The following GPC5 variants were observed in gnomAD, a reference collection of about 807,000 sequenced individuals.
GPC5 encodes glypican-5.
GPC5 carries 47 observed loss-of-function variants against 53.9 expected under a neutral mutation model. That is an observed-to-expected ratio of 0.87 (90% CI 0.69 to 1.11). The LOEUF (loss-of-function observed/expected upper bound fraction) is 1.11. Ranked by LOEUF, GPC5 falls within the 50% of genes most tolerant of loss-of-function variation. The pLI is 0.00. For missense variants in GPC5, 748 were observed against 713.1 expected, an observed-to-expected ratio of 1.05 and a Z score of -0.56; for synonymous variants, 286 against 263.3, an observed-to-expected ratio of 1.09 and a Z score of -0.84.
chr13:92,501,140 G>C (rs1880168735), intron 7 of GPC5, among the ~76,000 whole-genome samples: 1 of 152,036 alleles, frequency 6.6e-6, no homozygotes, highest in African/African-American at 2.4e-5. Context: ...TAAAATAAAT[G>C]CCTCTATTGA....
At chr13:92,707,459 C>G (rs1887991154) in intron 7 of GPC5, among the ~76,000 whole-genome samples, 1 of 151,948 alleles carries the variant, frequency 6.6e-6, no homozygotes, top group African/African-American at 2.4e-5. Flanking sequence ...TCCAACGGCC[C>G]TTGACTAGCC....
chr13:91,452,014 AC>A (rs1315894316), intron 2 of GPC5, among the ~76,000 whole-genome samples: 1 of 151,672 alleles, frequency 6.6e-6, no homozygotes, highest in Non-Finnish European at 1.5e-5. Flanking sequence ...ACAGGGTCTC[AC>A]TCTGTTGCCC....
intron 7 of GPC5, among the ~76,000 whole-genome samples, chr13:92,429,565 A>C (rs1195498473): frequency 1.3e-5 from 2 of 151,998 alleles, no homozygotes; most frequent in African/African-American, 4.8e-5. Context: ...ATGGGAAATG[A>C]AACCTGCCAA....
At chr13:92,597,065 T>A (rs1033714360) in intron 7 of GPC5, among the ~76,000 whole-genome samples, 1 of 152,148 alleles carries the variant, frequency 6.6e-6, no homozygotes, top group African/African-American at 2.4e-5. Flanking sequence ...AGAACACTAT[T>A]TATTTTTTAA....
chr13:92,171,701 C>T (rs1020925603), intron 7 of GPC5, among the ~76,000 whole-genome samples: 3 of 152,178 alleles, frequency 2.0e-5, no homozygotes, highest in Non-Finnish European at 4.4e-5. Flanking sequence ...TAGGTCCTTT[C>T]ACTTCTCACT....
chr13:92,776,474 A>G (rs1875810471), intron 7 of GPC5, among the ~76,000 whole-genome samples: 1 of 152,154 alleles, frequency 6.6e-6, no homozygotes, highest in African/African-American at 2.4e-5. Flanking sequence ...CCTTAACTTA[A>G]TCACATCTGC....
chr13:91,403,809 G>C (rs1455738239), intron 1 of GPC5, among the ~76,000 whole-genome samples: 2 of 152,098 alleles, frequency 1.3e-5, no homozygotes, highest in Admixed American at 6.5e-5. Context: ...TTCTACTTTA[G>C]GGTCATAGAA....
At chr13:91,876,560 A>T (rs7335288) in intron 5 of GPC5, among the ~76,000 whole-genome samples, 23,416 of 152,160 alleles carry the variant, frequency 0.15, 2,068 homozygotes, top group African/African-American at 0.25. Context: ...ACTTGAAAGA[A>T]ATGATTTAGG....
chr13:92,730,178 T>C (rs916398588), intron 7 of GPC5, among the ~76,000 whole-genome samples: 6 of 151,438 alleles, frequency 4.0e-5, no homozygotes, highest in African/African-American at 9.7e-5. Flanking sequence ...ATCATACTTA[T>C]TACACTTGTA....
At chr13:92,740,973 C>G (rs1370023219) in intron 7 of GPC5, among the ~76,000 whole-genome samples, 1 of 96,402 alleles carries the variant, frequency 1.0e-5, no homozygotes, top group African/African-American at 3.9e-5. Context: ...TATATATATC[C>G]TGCTGTAGCA....
intron 6 of GPC5, among the ~76,000 whole-genome samples, chr13:91,979,467 C>T (rs2040338017): frequency 6.6e-6 from 1 of 152,144 alleles, no homozygotes; most frequent in Admixed American, 6.5e-5. Context: ...TATTACTACC[C>T]TTCTAAGCAC....
intron 7 of GPC5, among the ~76,000 whole-genome samples, chr13:92,193,697 G>T (rs772517105): frequency 6.6e-6 from 1 of 151,916 alleles, no homozygotes; most frequent in African/African-American, 2.4e-5. Flanking sequence ...ACACTCTTTG[G>T]GCAGGATCTA....
intron 7 of GPC5, among the ~76,000 whole-genome samples, chr13:92,212,955 C>A (rs2042385643): frequency 6.6e-6 from 1 of 152,162 alleles, no homozygotes; most frequent in African/African-American, 2.4e-5. Flanking sequence ...GGCAATGTAG[C>A]CAGTCAATGA....
intron 5 of GPC5, among the ~76,000 whole-genome samples, chr13:91,837,529 G>GA (rs1203751688): frequency 1.4e-4 from 21 of 152,170 alleles, no homozygotes; most frequent in East Asian, 3.9e-4. Context: ...AAAAAGGAAG[G>GA]AAAAAACCAA....
intron 7 of GPC5, among the ~76,000 whole-genome samples, chr13:92,178,446 T>C (rs2042123691): frequency 6.7e-6 from 1 of 150,036 alleles, no homozygotes; most frequent in African/African-American, 2.4e-5. Context: ...CATATATACA[T>C]ATATACCAGC....
chr13:91,921,628 C>G (rs1252147210), intron 6 of GPC5, among the ~76,000 whole-genome samples: 1 of 151,790 alleles, frequency 6.6e-6, no homozygotes, highest in East Asian at 1.9e-4. Context: ...TTTGTAGGAG[C>G]AACTATTACT....
At chr13:91,909,785 A>G (rs530701577) in intron 6 of GPC5, among the ~76,000 whole-genome samples, 1 of 152,138 alleles carries the variant, frequency 6.6e-6, no homozygotes, top group African/African-American at 2.4e-5. Context: ...AGAAACCCTT[A>G]GGAGGAGGGT....
intron 2 of GPC5, among the ~76,000 whole-genome samples, chr13:91,620,391 A>G (rs2033820741): frequency 1.3e-5 from 2 of 152,108 alleles, no homozygotes; most frequent in Non-Finnish European, 2.9e-5. Flanking sequence ...TATGTTTGCA[A>G]ATGTTAATGT....
chr13:92,729,967 T>A (rs1473845324), intron 7 of GPC5, among the ~76,000 whole-genome samples: 2 of 151,410 alleles, frequency 1.3e-5, no homozygotes, highest in African/African-American at 2.4e-5. Context: ...CATTGTTAAG[T>A]ATGCTAGAGG....
Sources: allele counts gnomAD v4.1 joint callset (sites outside exome capture counted in the v4.1 genomes callset), GRCh38; gene constraint gnomAD v4.1.1; transcripts MANE v1.5; gene names NCBI Gene and HGNC (gene_info 2026-07-23, HGNC 2026-07-21).